The following RTKN2 variants were observed in gnomAD, a reference collection of about 807,000 sequenced individuals.
The protein encoded by RTKN2 is rhotekin-2.
In RTKN2, 69 loss-of-function variants were observed where a neutral mutation model predicts 71.5. That is an observed-to-expected ratio of 0.96 (90% CI 0.79 to 1.18). The LOEUF is 1.18. RTKN2 is among the 50% of genes most tolerant of loss of function. The pLI is 0.00. For synonymous variants in RTKN2, 236 were observed against 236.5 expected (o/e 1.00, Z 0.02); for missense variants, 724 against 719.7 (o/e 1.01, Z -0.07).
intron 5 of RTKN2, chr10:62,238,960 C>T (rs534694408): frequency 6.6e-6 from 1 of 152,050 alleles, no homozygotes; most frequent in South Asian, 2.1e-4. Flanking sequence ...GATTTAGGCA[C>T]ATAGAACCTT....
In RTKN2 at chr10:62,196,234, T is replaced by C; in HGVS notation, c.*1674A>G. 1.0e-6 allele frequency: 1 copy of C among 974,116 alleles called. No homozygotes were observed. Among genetic ancestry groups the C allele is most frequent in the Non-Finnish European group, 1.2e-6 (1 of 819,808 alleles). The allele number at this position is 974,116 out of a possible 1,614,324, so 60.3% of individuals were successfully genotyped here. ...TTAATGTCATTTATTGAAATGGCAATCATAACAGAAACTTATGAGAGCCTT... is the reference window on the plus strand; with the variant it reads ...TTAATGTCATTTATTGAAATGGCAACCATAACAGAAACTTATGAGAGCCTT... On this transcript the variant is annotated 3_prime_UTR_variant, in exon 12 of 12. Coordinates refer to ENST00000373789, the MANE Select transcript of RTKN2 (RefSeq NM_145307.4).
chr10:62,199,270 T>A (rs1051225115), intron 11 of RTKN2, among the ~76,000 whole-genome samples: 2 of 152,180 alleles, frequency 1.3e-5, no homozygotes, highest in African/African-American at 4.8e-5. Context: ...AAATTGAATA[T>A]TAGTGGGTCT....
At chr10:62,218,095 T>G in intron 8 of RTKN2, 100 bp downstream of exon 8, 1 of 743,778 alleles carries the variant, frequency 1.3e-6, no homozygotes. Flanking sequence ...AAAAAAAGAC[T>G]TAAAAAATAC....
chr10:62,216,734 T>C (rs1026884185), intron 9 of RTKN2, among the ~76,000 whole-genome samples: 8 of 152,076 alleles, frequency 5.3e-5, no homozygotes, highest in African/African-American at 1.9e-4. Context: ...GAAAGTATAG[T>C]CAAGAATGTC....
chr10:62,220,633 A>G (rs1020618669), intron 7 of RTKN2, among the ~76,000 whole-genome samples: 1 of 152,226 alleles, frequency 6.6e-6, no homozygotes, highest in Non-Finnish European at 1.5e-5. Context: ...CAAAAGCTAC[A>G]CAACAGCAGA....
rs1214859605 is a variant in RTKN2, at chr10:62,218,301, T to A, written c.782A>T (p.Glu261Val). The change falls in exon 8 of 12, where the codon GAG becomes GTG. Residue 261 changes from glutamate to valine, a missense_variant and splice_region_variant. Physicochemically the swap from Glu to Val is moderately radical, Grantham distance 121. Coordinates refer to ENST00000373789, the MANE Select transcript of RTKN2 (RefSeq NM_145307.4). ...KTHNLSINGN[E>V]ESSFWLPLYG... ...CAGGGGAAGCCAAAATGAAGACTCC[T>A]CTATTTAAAGGAGAAAGAAAAAAAA... 6.4e-7 allele frequency: 1 copy of A among 1,565,768 alleles called. No homozygotes were observed. The highest frequency in any genetic ancestry group is 1.8e-5 in the Admixed American group (1 of 55,682).
In RTKN2 at chr10:62,266,849, A is replaced by G. The variant is rs184385957; in HGVS notation, c.60+1702T>C. ...TACAACGGTGGAAACTGAAACTTAGAAAACAGAGATAACTTATTCAAGGTT... is the reference window on the plus strand; with the variant it reads ...TACAACGGTGGAAACTGAAACTTAGGAAACAGAGATAACTTATTCAAGGTT... On this transcript the variant is annotated intron_variant, in intron 1 of 11. Coordinates refer to ENST00000373789, the MANE Select transcript of RTKN2 (RefSeq NM_145307.4). Among the ~76,000 whole-genome samples the G allele has an allele frequency of 2.0e-5, 3 of 152,328 alleles. No individual in the cohort carries two copies. In the East Asian group the frequency reaches 5.8e-4, roughly 29 times the overall value.
chr10:62,198,268 T>G lies in RTKN2; in HGVS notation c.1470A>C (p.Ala490=), dbSNP rs1841371889. Residue 490 remains alanine, a synonymous_variant, in exon 12 of 12, where the codon GCA becomes GCC. Transcript: ENST00000373789. ...CTTTTTCATCATGTAATGGCTCACTTGCAGGATACAGTACCTTTTTCTGGA... is the reference window on the plus strand; with the variant it reads ...CTTTTTCATCATGTAATGGCTCACTGGCAGGATACAGTACCTTTTTCTGGA... ...MVIQKKVLYP[A]SEPLHDEKGK... 1.2e-6 allele frequency: 2 copies of G among 1,614,072 alleles called. No homozygotes were observed. Among genetic ancestry groups the G allele is most frequent in the Non-Finnish European group, 1.7e-6 (2 of 1,179,958 alleles).
chr10:62,233,172 G>A (rs1842186489), intron 6 of RTKN2, among the ~76,000 whole-genome samples: 1 of 152,270 alleles, frequency 6.6e-6, no homozygotes, highest in Non-Finnish European at 1.5e-5. Context: ...ACCATATAGT[G>A]TAGTTGGATA....
At chr10:62,205,621 C>G (rs567814771) in intron 9 of RTKN2, among the ~76,000 whole-genome samples, 1 of 152,248 alleles carries the variant, frequency 6.6e-6, no homozygotes, top group Non-Finnish European at 1.5e-5. Context: ...ATAATATAAT[C>G]TTTAAAATGT....
Position 62,193,261 on chromosome 10 carries a change from T to C in RTKN2, c.*4647A>G. ...CTGACATAATTATGTATATACAAGA[T>C]CTTTTCAATCTACCTCTCCTTTAGT... On this transcript the variant is annotated 3_prime_UTR_variant, in exon 12 of 12. Transcript: ENST00000373789. 1 of 962,588 alleles carries C rather than the reference T, an allele frequency of 1.0e-6. No individual in the cohort carries two copies. The highest frequency in any genetic ancestry group is 1.2e-6 in the Non-Finnish European group (1 of 809,164). 59.6% of individuals were successfully genotyped at this position (962,588 alleles called of 1,614,324 possible). A position where few individuals can be genotyped will look rare whatever the true frequency, so the allele number is the denominator to read the frequency against.
chr10:62,240,254 G>A (rs1447347541), intron 4 of RTKN2, among the ~76,000 whole-genome samples: 19 of 145,784 alleles, frequency 1.3e-4, no homozygotes, highest in African/African-American at 1.8e-4. Context: ...GAAACCACAA[G>A]AAAAAAAAAA....
chr10:62,185,795 TG>T (rs912398572), intron 8 of RTKN2, among the ~76,000 whole-genome samples: 4 of 152,192 alleles, frequency 2.6e-5, no homozygotes, highest in African/African-American at 9.7e-5. Flanking sequence ...CACCCCAATT[TG>T]GGGAGTCTCC....
At chr10:62,184,264 G>A in exon 9 of RTKN2, 1 of 1,124,146 alleles carries the variant, frequency 8.9e-7, no homozygotes, top group Non-Finnish European at 1.3e-6. Flanking sequence ...TTCTACTAGA[G>A]AAATGTCACA....
intron 5 of RTKN2, among the ~76,000 whole-genome samples, chr10:62,237,370 A>G (rs1842280148): frequency 6.6e-6 from 1 of 151,986 alleles, no homozygotes; most frequent in Non-Finnish European, 1.5e-5. Flanking sequence ...ATGTATGTTA[A>G]TGAGACAGAA....
intron 2 of RTKN2, among the ~76,000 whole-genome samples, chr10:62,261,724 T>C (rs1842777915): frequency 6.6e-6 from 1 of 152,092 alleles, no homozygotes; most frequent in South Asian, 2.1e-4. Context: ...TGTATCCAGG[T>C]CTCTATTACA....
chr10:62,237,362 G>GTA (rs1842280029), intron 5 of RTKN2, among the ~76,000 whole-genome samples: 1 of 151,948 alleles, frequency 6.6e-6, no homozygotes, highest in African/African-American at 2.4e-5. Flanking sequence ...TTATGTTAAT[G>GTA]TATGTTAATG....
Position 62,262,685 on chromosome 10 carries a change from A to G in RTKN2, c.197T>C (p.Met66Thr), listed in dbSNP as rs1842795247. Reference sequence around the variant, plus strand: ...TTTCTGTAGCTCCGATGTATAGGCCATTAGTCGAGCATTGCACACCATGAG... The same window carrying G: ...TTTCTGTAGCTCCGATGTATAGGCCGTTAGTCGAGCATTGCACACCATGAG... ...KNLMVCNARL[M>T]AYTSELQKLE... Residue 66 changes from methionine (M) to threonine (T), a missense_variant, in exon 2 of 12, where the codon ATG becomes ACG. Physicochemically the swap from Met to Thr is moderately conservative, Grantham distance 81. Coordinates refer to ENST00000373789, the MANE Select transcript of RTKN2 (RefSeq NM_145307.4). 1.2e-6 allele frequency: 2 copies of G among 1,613,584 alleles called. No homozygotes were observed. Among genetic ancestry groups the G allele is most frequent in the Non-Finnish European group, 1.7e-6 (2 of 1,179,682 alleles).
At chr10:62,255,716 G>A (rs1842662294) in intron 2 of RTKN2, among the ~76,000 whole-genome samples, 1 of 152,188 alleles carries the variant, frequency 6.6e-6, no homozygotes, top group African/African-American at 2.4e-5. Context: ...TTTATGAACT[G>A]CAAAGGGAAA....
Sources: gnomAD v4.1 joint callset for allele counts (sites outside exome capture counted in the v4.1 genomes callset) on GRCh38, gnomAD v4.1.1 for gene constraint, MANE v1.5 for transcripts, NCBI Gene and HGNC (gene_info 2026-07-23, HGNC 2026-07-21) for gene names.